The following SCP2 variants were observed in gnomAD, a reference collection of about 807,000 sequenced individuals.
SCP2 encodes sterol carrier protein 2.
A neutral mutation model predicts 71.4 loss-of-function variants in SCP2; 48 were observed. That is an observed-to-expected ratio of 0.67 (90% CI 0.53 to 0.86). SCP2 has a LOEUF of 0.86. Ranked by LOEUF, SCP2 falls within the 40% of genes least tolerant of loss-of-function variation. SCP2 has a pLI of 0.00. For missense variants in SCP2, 560 were observed against 655.6 expected (o/e 0.85, Z 1.59); for synonymous variants, 220 against 218.1 (o/e 1.01, Z -0.08).
intron 5 of SCP2, 88 bp from the exon 6 acceptor site, chr1:52,961,415 T>C: frequency 7.3e-7 from 1 of 1,375,960 alleles, no homozygotes; most frequent in Non-Finnish European, 1.0e-6. Flanking sequence ...GTGCTTAGAA[T>C]AAATAAATAT....
chr1:52,991,666 TG>T (rs1421456902), intron 11 of SCP2, among the ~76,000 whole-genome samples: 1 of 152,202 alleles, frequency 6.6e-6, no homozygotes, highest in African/African-American at 2.4e-5. Flanking sequence ...CCCAAAGTGC[TG>T]GGATTACAGG....
At chr1:52,944,788 G>C (rs913754779) in intron 2 of SCP2, among the ~76,000 whole-genome samples, 1 of 152,004 alleles carries the variant, frequency 6.6e-6, no homozygotes, top group African/African-American at 2.4e-5. Flanking sequence ...TTGAGAGGCC[G>C]AGGTGGGCGG....
intron 2 of SCP2, among the ~76,000 whole-genome samples, chr1:52,946,104 T>A (rs1376432575): frequency 6.6e-6 from 1 of 151,650 alleles, no homozygotes; most frequent in African/African-American, 2.4e-5. Context: ...AATTTTTGTA[T>A]TTTTGGTAGA....
chr1:53,047,792 A>G, intron 14 of SCP2, 66 bp from the exon 15 acceptor site: 1 of 1,158,580 alleles, frequency 8.6e-7, no homozygotes, highest in Non-Finnish European at 1.3e-6. Context: ...GTGGCTCTTG[A>G]CAAAAATGTA....
At chr1:52,935,473 C>T (rs1449366796) in intron 1 of SCP2, among the ~76,000 whole-genome samples, 2 of 151,520 alleles carry the variant, frequency 1.3e-5, no homozygotes, top group Non-Finnish European at 2.9e-5. Context: ...GCCTGTAATC[C>T]CAGCTACTCG....
At chr1:53,012,598 T>A (rs1661055953) in intron 11 of SCP2, among the ~76,000 whole-genome samples, 1 of 152,318 alleles carries the variant, frequency 6.6e-6, no homozygotes, top group East Asian at 1.9e-4. Context: ...TATAACAGTA[T>A]GATGAACAGA....
intron 11 of SCP2, among the ~76,000 whole-genome samples, chr1:53,009,576 G>T (rs2150221543): frequency 6.6e-6 from 1 of 152,298 alleles, no homozygotes; most frequent in Non-Finnish European, 1.5e-5. Flanking sequence ...CTAGCCATAT[G>T]TAGAAAGCTG....
chr1:52,974,700 C>A, intron 6 of SCP2, 69 bp from the exon 7 acceptor site: 1 of 809,826 alleles, frequency 1.2e-6, no homozygotes, highest in South Asian at 1.3e-5. Flanking sequence ...CACTGAGTAC[C>A]ATTGCAAGAT....
At chr1:52,930,580 T>G (rs1653058147) in intron 1 of SCP2, among the ~76,000 whole-genome samples, 1 of 152,124 alleles carries the variant, frequency 6.6e-6, no homozygotes, top group African/African-American at 2.4e-5. Context: ...GAGTCCTGTT[T>G]GAGCCACCAC....
chr1:52,960,713 TGTGC>T (rs1181001699), intron 5 of SCP2, among the ~76,000 whole-genome samples: 1 of 139,244 alleles, frequency 7.2e-6, no homozygotes, highest in African/African-American at 3.2e-5. Context: ...GTATATATTA[TGTGC>T]GTGTGTGTGT....
chr1:52,947,604 T>G (rs1195083341), intron 2 of SCP2, among the ~76,000 whole-genome samples: 3 of 152,362 alleles, frequency 2.0e-5, no homozygotes, highest in East Asian at 3.9e-4. Context: ...ATCTTTTCTT[T>G]GTAAGATGAG....
chr1:52,960,143 C>T (rs1320635113), intron 5 of SCP2, among the ~76,000 whole-genome samples: 1 of 152,132 alleles, frequency 6.6e-6, no homozygotes, highest in African/African-American at 2.4e-5. Context: ...GCCCGCCTGG[C>T]CTCCCAAATT....
chr1:53,029,409 G>A (rs181207052), intron 13 of SCP2, among the ~76,000 whole-genome samples: 273 of 152,130 alleles, frequency 1.8e-3, no homozygotes, highest in African/African-American at 5.7e-3. Context: ...GATTACAGGC[G>A]TGAGCCTCTG....
chr1:52,953,516 T>G (rs1204567663), intron 4 of SCP2, among the ~76,000 whole-genome samples: 1 of 151,918 alleles, frequency 6.6e-6, no homozygotes, highest in African/African-American at 2.4e-5. Flanking sequence ...CAACTAATTT[T>G]TGTATATTTT....
intron 2 of SCP2, among the ~76,000 whole-genome samples, chr1:52,946,985 T>C (rs866985982): frequency 1.7e-4 from 24 of 139,784 alleles, no homozygotes; most frequent in African/African-American, 6.5e-4. Flanking sequence ...CACTTGAACC[T>C]GGGAGGTGGA....
At chr1:52,956,136 C>T (rs1655772563) in intron 5 of SCP2, among the ~76,000 whole-genome samples, 1 of 152,128 alleles carries the variant, frequency 6.6e-6, no homozygotes, top group African/African-American at 2.4e-5. Flanking sequence ...AAACCCGTCT[C>T]TACTAAAAAT....
At position 52,941,734 on chromosome 1, in the gene SCP2, C is replaced by CAA. The variant is rs143386725; in HGVS notation, c.70-48_70-47dup. 6,188 of 934,134 alleles carry CAA rather than the reference C, an allele frequency of 6.6e-3. 10 individuals are homozygous for CAA. The highest frequency in any genetic ancestry group is 0.035 in the Middle Eastern group (112 of 3,190). 57.9% of individuals were successfully genotyped at this position (934,134 alleles called of 1,614,324 possible). A position where few individuals can be genotyped will look rare whatever the true frequency, so the allele number is the denominator to read the frequency against. ...TGGGTAACAGAGCAAGACTCCGTCTCAAAAAAAAAAAAAAATGTAACTATA... is the reference window on the plus strand; with the variant it reads ...TGGGTAACAGAGCAAGACTCCGTCTCAAAAAAAAAAAAAAAAATGTAACTATA... On this transcript the variant is annotated intron_variant, in intron 1 of 15. Transcript: ENST00000371514.
At chr1:53,005,125 G>A (rs943395640) in intron 11 of SCP2, among the ~76,000 whole-genome samples, 106 of 152,192 alleles carry the variant, frequency 7.0e-4, no homozygotes, top group Non-Finnish European at 1.6e-4. Flanking sequence ...AAGTGGCTGG[G>A]AAGCTTGAAC....
At chr1:52,943,773 G>A (rs1314978103) in intron 2 of SCP2, 4 of 437,258 alleles carry the variant, frequency 9.1e-6, no homozygotes, top group Admixed American at 2.4e-5. Context: ...TTCTGATAAC[G>A]TCTGATTTCA....
Sources: gnomAD v4.1 joint callset for allele counts (sites outside exome capture counted in the v4.1 genomes callset) on GRCh38, gnomAD v4.1.1 for gene constraint, MANE v1.5 for transcripts, NCBI Gene and HGNC (gene_info 2026-07-23, HGNC 2026-07-21) for gene names.